The following SLC25A33 variants were observed in gnomAD, a reference collection of about 807,000 sequenced individuals.
SLC25A33 encodes solute carrier family 25 member 33.
SLC25A33 carries 15 observed loss-of-function variants against 35.5 expected under a neutral mutation model. That is an observed-to-expected ratio of 0.42 (90% CI 0.28 to 0.65). SLC25A33 has a LOEUF of 0.65. Among genes scored for constraint, SLC25A33 ranks in the 30% least tolerant of loss-of-function variants. The pLI, the probability that SLC25A33 is intolerant of heterozygous loss-of-function variation, is 0.20. For synonymous variants in SLC25A33, 136 were observed against 148.7 expected (o/e 0.91, Z 0.62); for missense variants, 257 against 398.5 (o/e 0.64, Z 3.02).
chr1:9,574,619 C>T (rs1272598779), intron 5 of SLC25A33, among the ~76,000 whole-genome samples: 5 of 152,220 alleles, frequency 3.3e-5, no homozygotes, highest in South Asian at 2.1e-4. Flanking sequence ...TATTTACATT[C>T]GTAATGAATA....
At chr1:9,547,507 A>G (rs1643191572) in intron 1 of SLC25A33, among the ~76,000 whole-genome samples, 1 of 151,842 alleles carries the variant, frequency 6.6e-6, no homozygotes, top group Non-Finnish European at 1.5e-5. Flanking sequence ...AGAGGGATGG[A>G]TGCTGGGGAG....
chr1:9,565,033 G>T (rs1422829401), intron 2 of SLC25A33, among the ~76,000 whole-genome samples: 1 of 152,092 alleles, frequency 6.6e-6, no homozygotes. Flanking sequence ...TGACGCCACT[G>T]ATAAGAGATA....
chr1:9,546,562 G>A (rs765512627), intron 1 of SLC25A33, among the ~76,000 whole-genome samples: 3 of 152,018 alleles, frequency 2.0e-5, no homozygotes, highest in Non-Finnish European at 2.9e-5. Context: ...TTAAATTAAC[G>A]TCCAGGGTAT....
intron 1 of SLC25A33, among the ~76,000 whole-genome samples, chr1:9,544,646 G>C (rs773605321): frequency 6.6e-6 from 1 of 152,114 alleles, no homozygotes; most frequent in Non-Finnish European, 1.5e-5. Flanking sequence ...TAAATAGCAC[G>C]ATAGAGGTAG....
intron 1 of SLC25A33, among the ~76,000 whole-genome samples, chr1:9,552,993 C>T (rs1643287526): frequency 7.1e-6 from 1 of 141,548 alleles, no homozygotes. Flanking sequence ...TCTCCGCTCA[C>T]TGCAACCTCT....
chr1:9,580,457 A>C (rs1643726144), intron 6 of SLC25A33, among the ~76,000 whole-genome samples: 2 of 152,244 alleles, frequency 1.3e-5, no homozygotes, highest in South Asian at 4.1e-4. Context: ...CTTGTTGTGC[A>C]GAAACGCAGG....
At chr1:9,546,104 G>C (rs1643164319) in intron 1 of SLC25A33, among the ~76,000 whole-genome samples, 1 of 148,928 alleles carries the variant, frequency 6.7e-6, no homozygotes, top group African/African-American at 2.5e-5. Context: ...TTTAACAATT[G>C]TTCCTAGCTT....
chr1:9,564,570 G>A (rs892054007), intron 2 of SLC25A33, among the ~76,000 whole-genome samples: 4 of 151,482 alleles, frequency 2.6e-5, no homozygotes, highest in Non-Finnish European at 5.9e-5. Context: ...TACAGCAGTG[G>A]AATAATATTC....
At chr1:9,573,503 T>C (rs1338976390) in intron 5 of SLC25A33, 91 bp downstream of exon 5, 36 of 1,042,044 alleles carry the variant, frequency 3.5e-5, no homozygotes, top group Non-Finnish European at 4.7e-5. Context: ...GGATGAGATA[T>C]AGAGATGTAC....
intron 6 of SLC25A33, among the ~76,000 whole-genome samples, chr1:9,581,574 C>T (rs1643745086): frequency 6.6e-6 from 1 of 151,852 alleles, no homozygotes; most frequent in Admixed American, 6.6e-5. Flanking sequence ...ACTAAAAATA[C>T]AAAAATTAGC....
chr1:9,555,747 C>T (rs1340907096), intron 2 of SLC25A33, among the ~76,000 whole-genome samples: 2 of 152,136 alleles, frequency 1.3e-5, no homozygotes, highest in East Asian at 1.9e-4. Context: ...TGCAGTGGTA[C>T]GATCTCTGCT....
At chr1:9,562,064 A>AG (rs1553146521) in intron 2 of SLC25A33, among the ~76,000 whole-genome samples, 3,172 of 150,174 alleles carry the variant, frequency 0.021, 121 homozygotes, top group African/African-American at 0.073. Context: ...AAAAAAAAAA[A>AG]GGGGCAATAT....
At chr1:9,571,293 C>A (rs936237777) in intron 4 of SLC25A33, among the ~76,000 whole-genome samples, 2 of 150,618 alleles carry the variant, frequency 1.3e-5, no homozygotes, top group Admixed American at 6.6e-5. Context: ...GAAGGGAAGG[C>A]TTTTTTGTTT....
chr1:9,556,652 C>A lies in SLC25A33; in HGVS notation c.236+2847C>A, dbSNP rs904829056. Among the ~76,000 whole-genome samples, 3 of 152,030 alleles carry A rather than the reference C, an allele frequency of 2.0e-5. No homozygotes were observed. The South Asian group carries it at 6.2e-4, about 32-fold the overall frequency. ...CTAATCTCCAGTAAATCCAGCCCCCCCCATAAGAGATTGTGTGTGTGTCTG... is the reference window on the plus strand; with the variant it reads ...CTAATCTCCAGTAAATCCAGCCCCCACCATAAGAGATTGTGTGTGTGTCTG... On this transcript the variant is annotated intron_variant, in intron 2 of 6. Coordinates refer to ENST00000302692, the MANE Select transcript of SLC25A33 (RefSeq NM_032315.3).
At chr1:9,555,397 C>T (rs907084058) in intron 2 of SLC25A33, among the ~76,000 whole-genome samples, 13 of 152,136 alleles carry the variant, frequency 8.5e-5, no homozygotes, top group Non-Finnish European at 1.8e-4. Context: ...GGATTACAGG[C>T]GTGAGCCACC....
In SLC25A33 at chr1:9,567,287, G is replaced by C. The variant is rs768526283; in HGVS notation, c.240G>C (p.Ser80=). 6.2e-7 allele frequency: 1 copy of C among 1,613,674 alleles called. No individual in the cohort carries two copies. Among genetic ancestry groups the C allele is most frequent in the South Asian group, 1.1e-5 (1 of 90,964 alleles). ...VTPGLFQVLK[S]ILEKEGPKSL... is the part of the protein sequence containing the mutation. ...TTTGTCTTTTCTTATTATTCAGGTC[G>C]ATCTTGGAGAAAGAGGGACCAAAGT... Residue 80 remains serine, a synonymous_variant, in exon 3 of 7, where the codon TCG becomes TCC. Coordinates refer to ENST00000302692, the MANE Select transcript of SLC25A33 (RefSeq NM_032315.3).
intron 3 of SLC25A33, among the ~76,000 whole-genome samples, chr1:9,568,590 G>A (rs952224771): frequency 6.6e-6 from 1 of 151,596 alleles, no homozygotes; most frequent in African/African-American, 2.4e-5. Context: ...GGTGGCTCAC[G>A]CCTGTAATCC....
intron 1 of SLC25A33, among the ~76,000 whole-genome samples, chr1:9,547,409 G>A (rs1643189816): frequency 6.6e-6 from 1 of 151,870 alleles, no homozygotes; most frequent in Non-Finnish European, 1.5e-5. Context: ...AGCTGAGATT[G>A]CGCCAGCCTG....
chr1:9,549,330 G>C (rs946889003), intron 1 of SLC25A33, among the ~76,000 whole-genome samples: 1 of 141,370 alleles, frequency 7.1e-6, no homozygotes, highest in Non-Finnish European at 1.6e-5. Context: ...TGGGATCAAT[G>C]GGGGGGATGA....
Sources: allele counts gnomAD v4.1 joint callset (sites outside exome capture counted in the v4.1 genomes callset), GRCh38; gene constraint gnomAD v4.1.1; transcripts MANE v1.5; gene names NCBI Gene and HGNC (gene_info 2026-07-23, HGNC 2026-07-21).